Variants in SPATA13 observed in about 807,000 individuals in gnomAD.
The protein encoded by SPATA13 is spermatogenesis-associated protein 13.
SPATA13 carries 50 observed loss-of-function variants against 104.0 expected under a neutral mutation model. The observed-to-expected ratio is 0.48, with a 90% CI of 0.38 to 0.61. The LOEUF (loss-of-function observed/expected upper bound fraction) is 0.61. Among genes scored for constraint, SPATA13 ranks in the 20% least tolerant of loss-of-function variants. SPATA13 has a pLI of 0.00. For missense variants in SPATA13, 1,524 were observed against 1,690.6 expected (o/e 0.90, Z 1.73); for synonymous variants, 606 against 667.5 (o/e 0.91, Z 1.42).
intron 3 of SPATA13, among the ~76,000 whole-genome samples, chr13:24,138,299 C>G (rs1881638173): frequency 1.0e-5 from 1 of 99,968 alleles, no homozygotes; most frequent in Non-Finnish European, 2.0e-5. Context: ...GAGCAAGACT[C>G]CGTCTGAAAA....
chr13:23,998,144 T>G (rs955156084), intron 2 of SPATA13, among the ~76,000 whole-genome samples: 1 of 152,202 alleles, frequency 6.6e-6, no homozygotes, highest in African/African-American at 2.4e-5. Flanking sequence ...ACTACCAAAC[T>G]GTTTTCTGAA....
chr13:24,116,769 GC>G (rs68080717), intron 3 of SPATA13, among the ~76,000 whole-genome samples: 2,626 of 141,288 alleles, frequency 0.019, 51 homozygotes, highest in East Asian at 0.065. Context: ...AGCCCTACCA[GC>G]CCCCCCCCCC....
Position 24,302,953 on chromosome 13 carries a change from T to A in SPATA13, c.*180T>A. On this transcript the variant is annotated 3_prime_UTR_variant, in exon 13 of 13. Transcript: ENST00000382108. ...GTCTTTGGAGACCCAGCTGCCTTTG[T>A]GGAAGGGAGGAGACGGTCATGACAC... The A allele has an allele frequency of 1.3e-6, 1 of 743,328 alleles. No individual in the cohort carries two copies. Among genetic ancestry groups the A allele is most frequent in the Non-Finnish European group, 2.2e-6 (1 of 455,270 alleles). The allele number at this position is 743,328 out of a possible 1,614,324, so 46.0% of individuals were successfully genotyped here.
chr13:24,200,003 T>C (rs761634478), intron 1 of SPATA13, among the ~76,000 whole-genome samples: 3 of 152,166 alleles, frequency 2.0e-5, no homozygotes, highest in Non-Finnish European at 2.9e-5. Flanking sequence ...CAGTCTGACA[T>C]TGAGATGGTT....
chr13:24,247,489 T>TTTTTTTTTG (rs1873209555), intron 2 of SPATA13, among the ~76,000 whole-genome samples: 1 of 138,350 alleles, frequency 7.2e-6, no homozygotes, highest in Admixed American at 7.3e-5. Flanking sequence ...TTTTTTTTTT[T>TTTTTTTTTG]TTTTTTTTGA....
In SPATA13 at chr13:24,052,371, C is replaced by T. The variant is rs1386783279; in HGVS notation, c.-112+34670C>T. 4.4e-5 allele frequency among the ~76,000 whole-genome samples: 6 copies of T among 137,666 alleles called. No homozygotes were observed. In the South Asian group the frequency reaches 9.5e-4, roughly 22 times the overall value. The allele number at this position is 137,666 out of a possible 152,430, so 90.3% of individuals were successfully genotyped here. A position where few individuals can be genotyped will look rare whatever the true frequency, so the allele number is the denominator to read the frequency against. ...CTGAGCAGCGTTAACGAGATCCCATCGCTACAAACAAGAACAACAACAACA... is the reference window on the plus strand; with the variant it reads ...CTGAGCAGCGTTAACGAGATCCCATTGCTACAAACAAGAACAACAACAACA... On this transcript the variant is annotated intron_variant, in intron 3 of 14. Coordinates refer to the SPATA13 transcript ENST00000424834.
chr13:24,124,954 G>T (rs1211394583), intron 3 of SPATA13, among the ~76,000 whole-genome samples: 1 of 152,170 alleles, frequency 6.6e-6, no homozygotes, highest in African/African-American at 2.4e-5. Flanking sequence ...AGGATCAAGT[G>T]CTTGAAAGGA....
intron 1 of SPATA13, among the ~76,000 whole-genome samples, chr13:24,220,740 GT>G (rs959818371): frequency 2.6e-5 from 4 of 152,190 alleles, no homozygotes; most frequent in African/African-American, 7.2e-5. Context: ...GATGGTCTAA[GT>G]CATCGTAGCC....
At chr13:24,159,348 G>T (rs544860480), upstream of SPATA13, among the ~76,000 whole-genome samples, 2 of 152,174 alleles carry the variant, frequency 1.3e-5, no homozygotes, top group South Asian at 4.1e-4. Flanking sequence ...ACAATTCAAA[G>T]AATTAAATAA....
intron 4 of SPATA13, among the ~76,000 whole-genome samples, chr13:24,258,364 C>CAA (rs3067220): frequency 0.012 from 1,200 of 96,288 alleles, 52 homozygotes; most frequent in African/African-American, 0.039. Flanking sequence ...GAGTTCATCT[C>CAA]AAAAAAAAAA....
intron 3 of SPATA13, among the ~76,000 whole-genome samples, chr13:24,023,165 G>A (rs1244807727): frequency 6.6e-6 from 1 of 151,956 alleles, no homozygotes; most frequent in African/African-American, 2.4e-5. Flanking sequence ...CCACCTATCA[G>A]TGAGAACATT....
chr13:24,195,080 A>G (rs925054277), intron 1 of SPATA13, among the ~76,000 whole-genome samples: 29 of 152,092 alleles, frequency 1.9e-4, no homozygotes, highest in African/African-American at 7.0e-4. Flanking sequence ...CCGCAAAGAA[A>G]CCCCAATTCC....
At chr13:24,245,584 CTTTTTTTTTTT>C (rs61316306) in intron 2 of SPATA13, among the ~76,000 whole-genome samples, 1 of 88,630 alleles carries the variant, frequency 1.1e-5, no homozygotes, top group Non-Finnish European at 2.0e-5. Context: ...ACAGTTGTTT[CTTTTTTTTTTT>C]TTTTTTTTTT....
intron 1 of SPATA13, among the ~76,000 whole-genome samples, chr13:24,186,795 A>G (rs1869179580): frequency 6.6e-6 from 1 of 152,204 alleles, no homozygotes; most frequent in Non-Finnish European, 1.5e-5. Flanking sequence ...ATCAAGTTGA[A>G]GAGAAAAGGG....
rs544857723 is a variant in SPATA13, at chr13:24,114,726, G to T, written c.-112+97025G>T. On this transcript the variant is annotated intron_variant, in intron 3 of 14. Coordinates refer to the SPATA13 transcript ENST00000424834. ...TGCCTAGGCTGGAGTGCAATGGCAC[G>T]ATCTTGGCTCACCACAACTTCCACC... Among the ~76,000 whole-genome samples the T allele has an allele frequency of 5.2e-4, 79 of 152,080 alleles. No individual in the cohort carries two copies. The South Asian group carries it at 0.012, about 24-fold the overall frequency.
rs1316845720 is a variant in SPATA13 at position 24,279,380 on chromosome 13, A to T, written c.2165-4755A>T. 3.3e-5 allele frequency among the ~76,000 whole-genome samples: 5 copies of T among 152,262 alleles called. No individual in the cohort carries two copies. In the South Asian group the frequency reaches 1.0e-3, roughly 32 times the overall value. Reference sequence around the variant, plus strand: ...AGAACTTTGGCTGTCTCCCCTGTGGATGATTCTGAGCAGAGGAGTGACACA... The same window carrying T: ...AGAACTTTGGCTGTCTCCCCTGTGGTTGATTCTGAGCAGAGGAGTGACACA... On this transcript the variant is annotated intron_variant, in intron 4 of 12. Coordinates refer to ENST00000382108, the MANE Select transcript of SPATA13 (RefSeq NM_001166271.3).
intron 3 of SPATA13, chr13:24,122,845 A>G (rs1280250710): frequency 1.3e-6 from 1 of 773,044 alleles, no homozygotes; most frequent in Non-Finnish European, 2.4e-6. Context: ...ATCTCCTCAT[A>G]GAATTCTAAG....
chr13:24,224,151 G>A lies in SPATA13; in HGVS notation c.1222G>A (p.Ala408Thr), dbSNP rs1239894036. Residue 408 changes from alanine to threonine, a missense_variant, in exon 2 of 13, where the codon GCC becomes ACC. By Grantham distance (58) the Ala-to-Thr change is moderately conservative. Transcript: ENST00000382108. Reference sequence around the variant, plus strand: ...GGGGCCCCACCTAGACGCTGACACTGCCGTATTTCCTCTTGAAACCAAAAG... The same window carrying A: ...GGGGCCCCACCTAGACGCTGACACTACCGTATTTCCTCTTGAAACCAAAAG... Reference protein sequence around the residue: ...SKGPHLDADTAVFPLETKSSW... With the variant: ...SKGPHLDADTTVFPLETKSSW... 7.1e-6 allele frequency: 11 copies of A among 1,551,646 alleles called. No individual in the cohort carries two copies. The Admixed American group carries it at 2.0e-4, about 28-fold the overall frequency.
chr13:24,086,978 C>T (rs549551805), intron 3 of SPATA13, among the ~76,000 whole-genome samples: 3 of 152,308 alleles, frequency 2.0e-5, no homozygotes, highest in African/African-American at 7.2e-5. Flanking sequence ...ATCTGGTTTC[C>T]CTGTGGCCCA....
Sources: allele counts gnomAD v4.1 joint callset (sites outside exome capture counted in the v4.1 genomes callset), GRCh38; gene constraint gnomAD v4.1.1; transcripts MANE v1.5; gene names NCBI Gene and HGNC (gene_info 2026-07-23, HGNC 2026-07-21).